Variants in SPPL2B observed in about 807,000 individuals in gnomAD.
SPPL2B encodes the protein signal peptide peptidase-like 2B.
A neutral mutation model predicts 59.7 loss-of-function variants in SPPL2B; 39 were observed. The observed-to-expected ratio is 0.65, with a 90% CI of 0.51 to 0.85. The LOEUF (loss-of-function observed/expected upper bound fraction) is 0.85, where lower values mean the gene tolerates loss of function less well. Ranked by LOEUF, SPPL2B falls within the 40% of genes least tolerant of loss-of-function variation. The probability of loss-of-function intolerance (pLI) is 0.00; values close to 1 mark genes in which losing one functional copy is unlikely to be tolerated. For synonymous variants in SPPL2B, 419 were observed against 370.8 expected (o/e 1.13, Z -1.49); for missense variants, 865 against 849.0 (o/e 1.02, Z -0.23).
intron 13 of SPPL2B, among the ~76,000 whole-genome samples, chr19:2,348,700 TTC>T (rs766026537): frequency 7.4e-5 from 2 of 26,962 alleles, no homozygotes; most frequent in Non-Finnish European, 1.5e-4. Flanking sequence ...CTTGATTCCG[TTC>T]TCTCTCCACA....
At chr19:2,343,319 G>C (rs1176826589) in intron 9 of SPPL2B, 27 bp downstream of exon 9, 5 of 1,532,114 alleles carry the variant, frequency 3.3e-6, no homozygotes, top group Non-Finnish European at 4.4e-6. Flanking sequence ...CACGGCTGCG[G>C]GGCAGCATGG....
intron 2 of SPPL2B, among the ~76,000 whole-genome samples, chr19:2,336,796 T>G (rs1051950136): frequency 6.8e-6 from 1 of 147,992 alleles, no homozygotes; most frequent in East Asian, 2.0e-4. Flanking sequence ...GCTGTGGGTG[T>G]GTGTGTGTGT....
chr19:2,341,333 C>T, intron 8 of SPPL2B: 3 of 552,934 alleles, frequency 5.4e-6, no homozygotes, highest in South Asian at 1.5e-5. Context: ...CAGTCTGTCC[C>T]CCGCTGTCCC....
At chr19:2,348,826 T>G (rs1268142720) in intron 13 of SPPL2B, among the ~76,000 whole-genome samples, 18 of 67,614 alleles carry the variant, frequency 2.7e-4, no homozygotes, top group South Asian at 5.1e-4. Context: ...TCTCATTCGC[T>G]TGATTCCATT....
chr19:2,348,591 T>C (rs1969645628), intron 13 of SPPL2B, among the ~76,000 whole-genome samples: 2 of 149,624 alleles, frequency 1.3e-5, no homozygotes, highest in South Asian at 4.3e-4. Context: ...ACTCATGCAC[T>C]CTCATTCGCC....
chr19:2,330,013 C>G (rs1968196859), intron 1 of SPPL2B, among the ~76,000 whole-genome samples: 1 of 152,154 alleles, frequency 6.6e-6, no homozygotes, highest in Non-Finnish European at 1.5e-5. Context: ...GCTCCCCAGA[C>G]ATTTGGAAGG....
At chr19:2,343,496 C>T (rs1292198900) in intron 9 of SPPL2B, among the ~76,000 whole-genome samples, 3 of 152,158 alleles carry the variant, frequency 2.0e-5, no homozygotes, top group South Asian at 2.1e-4. Flanking sequence ...TGGGTGGCTG[C>T]GGGGCGGTTC....
At chr19:2,351,668 A>C (rs1221538810) in intron 14 of SPPL2B, 74 bp downstream of exon 14, 14 of 1,529,460 alleles carry the variant, frequency 9.2e-6, no homozygotes, top group Admixed American at 7.7e-5. Context: ...GTTGAGTGAG[A>C]CCTCCAGCCA....
chr19:2,353,231 G>C lies in SPPL2B; in HGVS notation c.*22G>C. Reference sequence around the variant, plus strand: ...CTAGGGGAGGGGTGAGACGCTCGCTGCCGTGCCCGCCACACCAAGATGTTG... The same window carrying C: ...CTAGGGGAGGGGTGAGACGCTCGCTCCCGTGCCCGCCACACCAAGATGTTG... On this transcript the variant is annotated 3_prime_UTR_variant, in exon 15 of 15. Transcript: ENST00000613503. 6.5e-7 allele frequency: 1 copy of C among 1,534,732 alleles called. No individual in the cohort carries two copies. Among genetic ancestry groups the C allele is most frequent in the Non-Finnish European group, 8.7e-7 (1 of 1,151,510 alleles).
rs761497592 is a variant in SPPL2B, at chr19:2,344,615, C to T, written c.1239C>T (p.Pro413=). Residue 413 remains proline (P), a synonymous_variant, in exon 12 of 15, where the codon CCC becomes CCT. Coordinates refer to ENST00000613503, the MANE Select transcript of SPPL2B (RefSeq NM_152988.3). ...NSSPLALCDR[P]FSLLGFGDIL... The stretch of plus-strand genomic sequence containing the variant: ...CACCTCTGGCCCTGTGTGACCGGCC[C>T]TTCTCCCTCCTGGGTTTCGGAGACA... 23 of 1,612,932 alleles carry T rather than the reference C, an allele frequency of 1.4e-5. No homozygotes were observed. Among genetic ancestry groups the T allele is most frequent in the Non-Finnish European group, 1.9e-5 (23 of 1,179,560 alleles).
In SPPL2B at chr19:2,353,336, C is replaced by A; in HGVS notation, c.*127C>A. ...GAGGCCTGTGCCGTCCCCACCCGCC[C>A]CAACATGGTGCTCATCCTTGCCGAG... On this transcript the variant is annotated 3_prime_UTR_variant, in exon 15 of 15. Coordinates refer to ENST00000613503, the MANE Select transcript of SPPL2B (RefSeq NM_152988.3). The A allele has an allele frequency of 8.4e-7, 1 of 1,185,262 alleles. No individual in the cohort carries two copies. The highest frequency in any genetic ancestry group is 1.1e-6 in the Non-Finnish European group (1 of 871,136). The allele number at this position is 1,185,262 out of a possible 1,614,324, so 73.4% of individuals were successfully genotyped here. A position where few individuals can be genotyped will look rare whatever the true frequency, so the allele number is the denominator to read the frequency against.
chr19:2,337,487 CGCA>C lies in SPPL2B; in HGVS notation c.234_236del (p.Ala79del). 6.2e-7 allele frequency: 1 copy of C among 1,612,956 alleles called. No homozygotes were observed. The highest frequency in any genetic ancestry group is 8.5e-7 in the Non-Finnish European group (1 of 1,179,476). ...ACTGGACGGCCTCCCTGCTCTGCTC[CGCA>C]GCCGACCTCCCCGCCCGTGGCTTCA... is the stretch of plus-strand genomic sequence containing the variant. On this transcript the variant is annotated inframe_deletion, in exon 3 of 15. Coordinates refer to ENST00000613503, the MANE Select transcript of SPPL2B (RefSeq NM_152988.3).
chr19:2,341,036 C>G (rs756800846), intron 8 of SPPL2B, 22 bp downstream of exon 8: 2 of 1,570,600 alleles, frequency 1.3e-6, no homozygotes, highest in Non-Finnish European at 1.7e-6. Context: ...TTCCCCCGGG[C>G]CCCGGCGGGC....
chr19:2,347,805 C>T (rs866307108), intron 13 of SPPL2B, among the ~76,000 whole-genome samples: 8 of 48,872 alleles, frequency 1.6e-4, no homozygotes, highest in African/African-American at 2.8e-4. Flanking sequence ...TCTCTCTCTC[C>T]ACACACACGC....
rs1324416522 is a variant in SPPL2B at position 2,353,545 on chromosome 19, G to A, written c.*336G>A. 6.5e-6 allele frequency: 2 copies of A among 307,568 alleles called. No homozygotes were observed. The highest frequency in any genetic ancestry group is 1.5e-4 in the East Asian group (2 of 13,738). The allele number at this position is 307,568 out of a possible 1,614,324, so 19.1% of individuals were successfully genotyped here. ...CGTCTGCATGAGTGAGCAGGCGTGG[G>A]TGGACTCTGGCCGCGGCCACACTTG... On this transcript the variant is annotated 3_prime_UTR_variant, in exon 15 of 15. Transcript: ENST00000613503.
chr19:2,336,046 T>C (rs1968586138), intron 2 of SPPL2B, among the ~76,000 whole-genome samples: 1 of 152,256 alleles, frequency 6.6e-6, no homozygotes, highest in African/African-American at 2.4e-5. Flanking sequence ...TGAAGACATG[T>C]GCCTGAGTGC....
Position 2,335,068 on chromosome 19 carries a change from G to A in SPPL2B, c.186+347G>A, listed in dbSNP as rs12609381. Reference sequence around the variant, plus strand: ...GAGGGCACAGTGGGGCCCCAGGGACGAGACCTGTTCCTTTCACCGTCTTCC... The same window carrying A: ...GAGGGCACAGTGGGGCCCCAGGGACAAGACCTGTTCCTTTCACCGTCTTCC... On this transcript the variant is annotated intron_variant, in intron 2 of 14. Transcript: ENST00000613503. Among the ~76,000 whole-genome samples the A allele has an allele frequency of 0.03, 4,580 of 152,198 alleles. 349 individuals carry two copies. In the East Asian group the frequency reaches 0.3, roughly 10 times the overall value.
rs767967316 is a variant in SPPL2B at position 2,339,878 on chromosome 19, G to C, written c.654G>C (p.Ala218=). 1 of 1,599,178 alleles carries C rather than the reference G, an allele frequency of 6.3e-7. No individual in the cohort carries two copies. Among genetic ancestry groups the C allele is most frequent in the South Asian group, 1.1e-5 (1 of 88,482 alleles). ...GGCCCGAGAAGCAGGAGGACGAGGC[G>C]GTGGACGTGACGCCGGTGATGACCT... ...DDGPEKQEDE[A]VDVTPVMTCV... is the part of the protein sequence containing the mutation. The change falls in exon 6 of 15, where the codon GCG becomes GCC. Residue 218 remains alanine, a synonymous_variant. Coordinates refer to ENST00000613503, the MANE Select transcript of SPPL2B (RefSeq NM_152988.3).
intron 14 of SPPL2B, among the ~76,000 whole-genome samples, chr19:2,351,816 G>A (rs1419879776): frequency 5.3e-5 from 8 of 151,256 alleles, no homozygotes; most frequent in African/African-American, 9.7e-5. Context: ...GGTGGGGCCC[G>A]GGGGTGCCGG....
Sources: gnomAD v4.1 joint callset for allele counts (sites outside exome capture counted in the v4.1 genomes callset) on GRCh38, gnomAD v4.1.1 for gene constraint, MANE v1.5 for transcripts, NCBI Gene and HGNC (gene_info 2026-07-23, HGNC 2026-07-21) for gene names.